Variants in TMPRSS9 observed in about 807,000 individuals in gnomAD.
The protein encoded by TMPRSS9 is transmembrane serine protease 9, also known as transmembrane protease serine 9.
In TMPRSS9, 113 loss-of-function variants were observed where a neutral mutation model predicts 111.4. The ratio of observed to expected loss-of-function variants is 1.01; its 90% CI spans 0.87 to 1.19. The LOEUF (loss-of-function observed/expected upper bound fraction) is 1.19, where lower values mean the gene tolerates loss of function less well. Among genes scored for constraint, TMPRSS9 ranks in the 50% most tolerant of loss-of-function variants. The probability of loss-of-function intolerance (pLI) is 0.00; values close to 1 mark genes in which losing one functional copy is unlikely to be tolerated. For synonymous variants in TMPRSS9, 805 were observed against 659.1 expected (o/e 1.22, Z -3.39); for missense variants, 1,803 against 1,513.1 (o/e 1.19, Z -3.18).
chr19:2,393,221 C>G (rs1239741045), intron 1 of TMPRSS9, among the ~76,000 whole-genome samples: 1 of 152,176 alleles, frequency 6.6e-6, no homozygotes, highest in Admixed American at 6.6e-5. Context: ...AATCTTGCTG[C>G]TGCTCACTCG....
chr19:2,410,404 C>G lies in TMPRSS9; in HGVS notation c.1254+10C>G. 1 of 1,613,472 alleles carries G rather than the reference C, an allele frequency of 6.2e-7. No homozygotes were observed. Among genetic ancestry groups the G allele is most frequent in the South Asian group, 1.1e-5 (1 of 91,050 alleles). On this transcript the variant is annotated intron_variant, in intron 9 of 17. Coordinates refer to ENST00000648592, the Ensembl canonical transcript of TMPRSS9. ...GGTGGACTCCTGCCAGGTGAGCCCC[C>G]GATGCCCCAGACCCCAGAAAAACAC...
At chr19:2,408,449 C>T (rs1015038038) in exon 8 of TMPRSS9, 16 of 1,613,766 alleles carry the variant, frequency 9.9e-6, no homozygotes, top group Non-Finnish European at 1.4e-5. Context: ...TGGTCCAGAT[C>T]GTCAAGCACC....
At chr19:2,400,388 A>G (rs1319040747) in intron 4 of TMPRSS9, among the ~76,000 whole-genome samples, 1 of 151,978 alleles carries the variant, frequency 6.6e-6, no homozygotes, top group African/African-American at 2.4e-5. Context: ...CTAAAAATAC[A>G]AAAATGAGCT....
chr19:2,388,355 C>T (rs1466692200), upstream of TMPRSS9, among the ~76,000 whole-genome samples: 3 of 152,206 alleles, frequency 2.0e-5, no homozygotes, highest in Non-Finnish European at 4.4e-5. Context: ...CATTGCACTC[C>T]AGCCTGGGCA....
chr19:2,408,769 G>C (rs553119075), intron 8 of TMPRSS9, 139 bp downstream of exon 9: 1 of 1,095,910 alleles, frequency 9.1e-7, no homozygotes, highest in Admixed American at 2.6e-5. Flanking sequence ...GAGGTCAGGC[G>C]TTTGAGACCA....
intron 1 of TMPRSS9, among the ~76,000 whole-genome samples, chr19:2,393,917 AAAAAG>A (rs1162890620): frequency 1.7e-4 from 25 of 146,526 alleles, no homozygotes; most frequent in African/African-American, 6.2e-4. Flanking sequence ...AAAAAAAAAA[AAAAAG>A]CTGGGCGCGG....
intron 10 of TMPRSS9, among the ~76,000 whole-genome samples, chr19:2,414,654 C>T (rs185937135): frequency 6.6e-5 from 10 of 151,826 alleles, no homozygotes; most frequent in Admixed American, 1.3e-4. Flanking sequence ...GTGGGCAGAT[C>T]GCTTGAGGTC....
intron 1 of TMPRSS9, among the ~76,000 whole-genome samples, chr19:2,368,355 G>A (rs1970263161): frequency 6.6e-6 from 1 of 151,994 alleles, no homozygotes; most frequent in Non-Finnish European, 1.5e-5. Context: ...AGAATGTGAA[G>A]GGCACATTAG....
chr19:2,386,552 C>T (rs1046561252), upstream of TMPRSS9, among the ~76,000 whole-genome samples: 2 of 151,848 alleles, frequency 1.3e-5, no homozygotes, highest in African/African-American at 4.8e-5. Context: ...AGGCGTGAGC[C>T]ACTGCACCCA....
intron 1 of TMPRSS9, among the ~76,000 whole-genome samples, chr19:2,368,470 G>C (rs996158971): frequency 1.3e-5 from 2 of 152,224 alleles, no homozygotes; most frequent in Non-Finnish European, 2.9e-5. Flanking sequence ...GGCCAGTGAA[G>C]CTGGGGCTGA....
intron 10 of TMPRSS9, among the ~76,000 whole-genome samples, chr19:2,414,879 A>G (rs980007164): frequency 6.6e-6 from 1 of 151,836 alleles, no homozygotes; most frequent in Non-Finnish European, 1.5e-5. Flanking sequence ...CCATCTCGAA[A>G]AAGAAAAAAG....
intron 17 of TMPRSS9, 103 bp from the exon 19 acceptor site, chr19:2,425,824 C>T (rs577871933): frequency 7.0e-7 from 1 of 1,435,344 alleles, no homozygotes; most frequent in Non-Finnish European, 9.2e-7. Context: ...AAATGCGGCT[C>T]CCAGGGGAAG....
Position 2,363,136 on chromosome 19 carries a change from T to C in TMPRSS9, c.-26+2776T>C, listed in dbSNP as rs553842243. 3.3e-5 allele frequency among the ~76,000 whole-genome samples: 5 copies of C among 152,286 alleles called. No homozygotes were observed. In the South Asian group the frequency reaches 8.3e-4, roughly 25 times the overall value. ...CGTGTGTGCCCCGCTGCCCACAGCG[T>C]GTGAACGTGAGTTGGGGACCATGTG... is the stretch of plus-strand genomic sequence containing the variant. On this transcript the variant is annotated intron_variant, in intron 1 of 17. Coordinates refer to the TMPRSS9 transcript ENST00000649857.
intron 9 of TMPRSS9, among the ~76,000 whole-genome samples, chr19:2,410,831 C>T (rs12609332): frequency 0.092 from 13,984 of 152,150 alleles, 932 homozygotes; most frequent in East Asian, 0.26. Flanking sequence ...GTTCCCAGCA[C>T]TGGGCCTGAT....
chr19:2,374,646 C>T (rs1444756192), intron 1 of TMPRSS9, among the ~76,000 whole-genome samples: 2 of 152,128 alleles, frequency 1.3e-5, no homozygotes, highest in Admixed American at 6.6e-5. Context: ...TTGGAGGCCT[C>T]TGCGTTGCTC....
intron 1 of TMPRSS9, among the ~76,000 whole-genome samples, chr19:2,364,044 G>A (rs1394963420): frequency 6.6e-6 from 1 of 151,994 alleles, no homozygotes; most frequent in Admixed American, 6.6e-5. Flanking sequence ...CGGTAGTCCT[G>A]TAGACCCAGC....
chr19:2,386,454 G>A (rs1599282798), upstream of TMPRSS9, among the ~76,000 whole-genome samples: 3 of 149,996 alleles, frequency 2.0e-5, no homozygotes, highest in South Asian at 6.4e-4. Flanking sequence ...GCAGTGAGCC[G>A]AGATCGCGCC....
At chr19:2,401,001 G>A (rs930609830) in intron 4 of TMPRSS9, among the ~76,000 whole-genome samples, 18 of 150,782 alleles carry the variant, frequency 1.2e-4, no homozygotes, top group African/African-American at 2.7e-4. Context: ...ATGGCCGGGC[G>A]CGGTGGCTTA....
chr19:2,409,383 C>T (rs867981063), intron 8 of TMPRSS9, among the ~76,000 whole-genome samples: 1 of 152,006 alleles, frequency 6.6e-6, no homozygotes, highest in East Asian at 1.9e-4. Flanking sequence ...ACCTCGTGAT[C>T]TTCCTGCCTC....
Sources: allele counts gnomAD v4.1 joint callset (sites outside exome capture counted in the v4.1 genomes callset), GRCh38; gene constraint gnomAD v4.1.1; transcripts MANE v1.5; gene names NCBI Gene and HGNC (gene_info 2026-07-23, HGNC 2026-07-21).